JARID2: variants seen among roughly 807,000 people sequenced by gnomAD.
The protein encoded by JARID2 is jumonji and AT-rich interaction domain containing 2.
JARID2 carries 21 observed loss-of-function variants against 125.6 expected under a neutral mutation model. The ratio of observed to expected loss-of-function variants is 0.17; its 90% confidence interval spans 0.12 to 0.24. The LOEUF (loss-of-function observed/expected upper bound fraction) is 0.24. Among genes scored for constraint, JARID2 ranks in the 10% least tolerant of loss-of-function variants. The pLI is 1.00. For missense variants in JARID2, 1,303 were observed against 1,639.6 expected (o/e 0.79, Z 3.55); for synonymous variants, 736 against 661.6 (o/e 1.11, Z -1.73).
chr6:15,496,635 T>A lies in JARID2; in HGVS notation c.1410T>A (p.Pro470=). The change falls in exon 7 of 18, where the codon CCT becomes CCA. Residue 470 remains proline, a synonymous_variant. Coordinates refer to ENST00000341776, the MANE Select transcript of JARID2 (RefSeq NM_004973.4). ...MKGAAGPAEG[P]GKKAPAERGL... is the part of the protein sequence containing the mutation. Reference sequence around the variant, plus strand: ...GGGCGGCTGGCCCCGCCGAAGGCCCTGGCAAGAAGGCCCCGGCCGAGAGAG... The same window carrying A: ...GGGCGGCTGGCCCCGCCGAAGGCCCAGGCAAGAAGGCCCCGGCCGAGAGAG... 2.5e-6 allele frequency: 4 copies of A among 1,610,242 alleles called. No individual in the cohort carries two copies. The highest frequency in any genetic ancestry group is 3.4e-6 in the Non-Finnish European group (4 of 1,179,100).
chr6:15,442,380 C>T (rs1013052076), intron 3 of JARID2, among the ~76,000 whole-genome samples: 3 of 152,176 alleles, frequency 2.0e-5, no homozygotes, highest in African/African-American at 7.2e-5. Flanking sequence ...TTTGTTCACT[C>T]CTTGTAACTA....
intron 3 of JARID2, among the ~76,000 whole-genome samples, chr6:15,447,581 G>A (rs948420618): frequency 5.3e-5 from 8 of 152,102 alleles, no homozygotes; most frequent in Admixed American, 1.3e-4. Context: ...CAGGAACCCC[G>A]TGCTCTCTCC....
chr6:15,326,977 C>T (rs770754467), intron 1 of JARID2, among the ~76,000 whole-genome samples: 16 of 152,158 alleles, frequency 1.1e-4, no homozygotes, highest in Non-Finnish European at 1.9e-4. Context: ...ATCTCTCTGT[C>T]CCTTTAATTT....
intron 2 of JARID2, among the ~76,000 whole-genome samples, chr6:15,386,036 A>G (rs1224392760): frequency 2.0e-5 from 3 of 152,110 alleles, no homozygotes; most frequent in Non-Finnish European, 2.9e-5. Context: ...TTAAATTACA[A>G]TTGGGCTTTT....
At chr6:15,292,021 T>TC (rs1159006821) in intron 1 of JARID2, among the ~76,000 whole-genome samples, 1 of 152,090 alleles carries the variant, frequency 6.6e-6, no homozygotes, top group Admixed American at 6.6e-5. Context: ...TGTAGGTCTG[T>TC]GTGATTAGGC....
intron 1 of JARID2, among the ~76,000 whole-genome samples, chr6:15,300,179 T>A (rs532222973): frequency 2.0e-5 from 3 of 152,184 alleles, no homozygotes; most frequent in Non-Finnish European, 4.4e-5. Context: ...GTTGGAAAAA[T>A]TTTCCGCAGT....
Position 15,252,522 on chromosome 6 carries a change from G to A in JARID2, c.45+5938G>A, listed in dbSNP as rs9476811. On this transcript the variant is annotated intron_variant, in intron 1 of 17. Transcript: ENST00000341776. Reference sequence around the variant, plus strand: ...TACTGAGGTGATTGTATTACTTTTGGAGTTAAAATAATTGTGCCATTTACT... The same window carrying A: ...TACTGAGGTGATTGTATTACTTTTGAAGTTAAAATAATTGTGCCATTTACT... 1.6e-3 allele frequency among the ~76,000 whole-genome samples: 246 copies of A among 152,230 alleles called. 1 individual carries two copies. The highest frequency in any genetic ancestry group is 5.8e-3 in the African/African-American group (242 of 41,528).
At chr6:15,276,052 G>C (rs1353709376) in intron 1 of JARID2, among the ~76,000 whole-genome samples, 1 of 152,208 alleles carries the variant, frequency 6.6e-6, no homozygotes, top group Non-Finnish European at 1.5e-5. Flanking sequence ...CAAAAAGTTA[G>C]AAGGGAAATT....
At chr6:15,249,842 G>T (rs1759372132) in intron 1 of JARID2, among the ~76,000 whole-genome samples, 1 of 152,170 alleles carries the variant, frequency 6.6e-6, no homozygotes, top group African/African-American at 2.4e-5. Flanking sequence ...TCTTAATTGT[G>T]TTGAGCACGA....
At chr6:15,393,662 A>G (rs953279005) in intron 2 of JARID2, among the ~76,000 whole-genome samples, 4 of 152,242 alleles carry the variant, frequency 2.6e-5, no homozygotes. Context: ...GGTCTTCTCC[A>G]TGATGTATGA....
intron 1 of JARID2, among the ~76,000 whole-genome samples, chr6:15,298,456 C>T (rs965474475): frequency 2.0e-5 from 3 of 151,570 alleles, no homozygotes; most frequent in African/African-American, 4.8e-5. Flanking sequence ...GAGGCAGAGG[C>T]GGATGGATTA....
chr6:15,305,841 A>G (rs938842111), intron 1 of JARID2, among the ~76,000 whole-genome samples: 1 of 152,202 alleles, frequency 6.6e-6, no homozygotes, highest in Non-Finnish European at 1.5e-5. Context: ...TTCCTTGGAC[A>G]GTGTATTATG....
At chr6:15,487,140 A>G (rs1201102074) in intron 5 of JARID2, among the ~76,000 whole-genome samples, 167 bp from the exon 6 acceptor site, 6 of 152,142 alleles carry the variant, frequency 3.9e-5, no homozygotes, top group Non-Finnish European at 1.5e-5. Flanking sequence ...AGCATAGGGG[A>G]AACTGCCTCC....
rs181315160 is a variant in JARID2 at position 15,465,237 on chromosome 6, G to C, written c.494-3305G>C. On this transcript the variant is annotated intron_variant, in intron 4 of 17. Transcript: ENST00000341776. The stretch of plus-strand genomic sequence containing the variant: ...GGGAGATCAGGTGGGAAGATCACTT[G>C]AGGTCAGGAGTTTGAGACAAGCCTC... 2.4e-3 allele frequency among the ~76,000 whole-genome samples: 362 copies of C among 152,294 alleles called. 8 individuals carry two copies. Among genetic ancestry groups the C allele is most frequent in the Admixed American group, 0.019 (291 of 15,296 alleles).
At chr6:15,334,399 G>GT (rs896786514) in intron 1 of JARID2, among the ~76,000 whole-genome samples, 8 of 144,114 alleles carry the variant, frequency 5.6e-5, no homozygotes, top group Admixed American at 2.7e-4. Flanking sequence ...CTATAAAAAT[G>GT]TTTTTTCTAT....
intron 1 of JARID2, among the ~76,000 whole-genome samples, chr6:15,251,867 A>G (rs191754242): frequency 8.4e-4 from 127 of 151,962 alleles, no homozygotes; most frequent in African/African-American, 2.9e-3. Flanking sequence ...AATCCCAGCT[A>G]CTCGGGAGGC....
At chr6:15,344,956 A>G (rs552960023) in intron 1 of JARID2, among the ~76,000 whole-genome samples, 1 of 152,172 alleles carries the variant, frequency 6.6e-6, no homozygotes, top group East Asian at 1.9e-4. Flanking sequence ...GACAAGCTCA[A>G]TTGAATTAGG....
At chr6:15,509,017 T>C (rs1303929614) in intron 12 of JARID2, 3 of 1,289,018 alleles carry the variant, frequency 2.3e-6, no homozygotes, top group South Asian at 1.2e-5. Flanking sequence ...GGGAGTAGAG[T>C]TGACTTGGGA....
intron 2 of JARID2, among the ~76,000 whole-genome samples, chr6:15,384,858 C>T (rs1764725598): frequency 6.6e-6 from 1 of 152,178 alleles, no homozygotes; most frequent in African/African-American, 2.4e-5. Flanking sequence ...CAGGTGTGAG[C>T]CACTTCACTA....
Sources: allele counts gnomAD v4.1 joint callset (sites outside exome capture counted in the v4.1 genomes callset), GRCh38; gene constraint gnomAD v4.1.1; transcripts MANE v1.5; gene names NCBI Gene and HGNC (gene_info 2026-07-23, HGNC 2026-07-21).